ARAP2: variants seen among roughly 807,000 people sequenced by gnomAD.
ARAP2 encodes ArfGAP with RhoGAP domain, ankyrin repeat and PH domain 2.
A neutral mutation model predicts 194.5 loss-of-function variants in ARAP2; 148 were observed. The ratio of observed to expected loss-of-function variants is 0.76; its 90% CI spans 0.67 to 0.87. The LOEUF (loss-of-function observed/expected upper bound fraction) is 0.87. ARAP2 is among the 40% of genes least tolerant of loss of function. The probability of loss-of-function intolerance (pLI) is 0.00; values close to 1 mark genes in which losing one functional copy is unlikely to be tolerated. For synonymous variants in ARAP2, 695 were observed against 683.5 expected, an observed-to-expected ratio of 1.02 and a Z score of -0.26; for missense variants, 2,128 against 1,989.7, an observed-to-expected ratio of 1.07 and a Z score of -1.32.
chr4:36,055,965 T>C (rs1723436868), intron 2 of ARAP2, among the ~76,000 whole-genome samples: 1 of 152,196 alleles, frequency 6.6e-6, no homozygotes, highest in Non-Finnish European at 1.5e-5. Context: ...ACAAACCAGA[T>C]AAATTCCTTG....
chr4:36,159,238 G>A (rs1733343937), intron 14 of ARAP2, 93 bp downstream of exon 14: 2 of 1,269,542 alleles, frequency 1.6e-6, no homozygotes, highest in South Asian at 4.7e-5. Context: ...CATTCTGATG[G>A]TTTCTCTTAT....
intron 6 of ARAP2, among the ~76,000 whole-genome samples, chr4:36,209,040 C>T (rs183502691): frequency 6.6e-6 from 1 of 152,216 alleles, no homozygotes; most frequent in Admixed American, 6.5e-5. Context: ...GTGCCTGGAG[C>T]ATAAACAGAC....
intron 19 of ARAP2, among the ~76,000 whole-genome samples, chr4:36,138,859 T>C (rs1727495598): frequency 6.6e-6 from 1 of 151,762 alleles, no homozygotes; most frequent in African/African-American, 2.4e-5. Flanking sequence ...CACTTTGCAC[T>C]GCCACTTTCT....
chr4:36,060,967 GA>G (rs1169233703), intron 1 of ARAP2, among the ~76,000 whole-genome samples: 1 of 152,166 alleles, frequency 6.6e-6, no homozygotes, highest in Non-Finnish European at 1.5e-5. Context: ...ATTTTTGGGA[GA>G]AGACAGTTCA....
intron 1 of ARAP2, among the ~76,000 whole-genome samples, chr4:36,235,592 T>C (rs1752289903): frequency 6.6e-6 from 1 of 152,250 alleles, no homozygotes. Context: ...CTGGTATCTG[T>C]TGACTGCTCT....
At chr4:36,056,539 T>C (rs1723544349) in intron 2 of ARAP2, among the ~76,000 whole-genome samples, 1 of 152,190 alleles carries the variant, frequency 6.6e-6, no homozygotes, top group Non-Finnish European at 1.5e-5. Flanking sequence ...TTTCAACATA[T>C]GTCTATATAT....
At chr4:36,041,377 C>G (rs373282789) in intron 5 of ARAP2, among the ~76,000 whole-genome samples, 16 of 152,066 alleles carry the variant, frequency 1.1e-4, no homozygotes, top group Non-Finnish European at 1.9e-4. Context: ...AAAGAATGAA[C>G]AGACACTTTT....
chr4:36,233,121 G>T (rs1751818441), intron 1 of ARAP2, among the ~76,000 whole-genome samples: 2 of 152,068 alleles, frequency 1.3e-5, no homozygotes. Context: ...TCCTCCAATT[G>T]TCTGACATTT....
intron 8 of ARAP2, among the ~76,000 whole-genome samples, chr4:36,014,346 GA>G (rs1209368345): frequency 7.3e-6 from 1 of 137,702 alleles, no homozygotes; most frequent in Non-Finnish European, 1.5e-5. Flanking sequence ...AAGAAAGAAA[GA>G]AAGAAAGAAA....
rs1432472640 is a variant in ARAP2, at chr4:36,067,294, T to C, written c.*613A>G. ...CTTTTTCTTAACAAGTGGTTTCTCA[T>C]TGACAAGTTCTGGTCATTAGTGAAC... On this transcript the variant is annotated 3_prime_UTR_variant, in exon 33 of 33. Coordinates refer to ENST00000303965, the MANE Select transcript of ARAP2 (RefSeq NM_015230.4). 3 of 152,670 alleles carry C rather than the reference T, an allele frequency of 2.0e-5. No homozygotes were observed. Among genetic ancestry groups the C allele is most frequent in the African/African-American group, 7.2e-5 (3 of 41,458 alleles). 9.5% of individuals were successfully genotyped at this position (152,670 alleles called of 1,614,324 possible).
chr4:36,210,381 C>T lies in ARAP2; in HGVS notation c.1487+9G>A, dbSNP rs775363348. Reference sequence around the variant, plus strand: ...ATGCCACTTATGAAATAAATGCATACGTACATACCCTTGAGGAGAGAGTTT... The same window carrying T: ...ATGCCACTTATGAAATAAATGCATATGTACATACCCTTGAGGAGAGAGTTT... On this transcript the variant is annotated intron_variant, in intron 6 of 32. Transcript: ENST00000303965. 25 of 1,571,554 alleles carry T rather than the reference C, an allele frequency of 1.6e-5. No individual in the cohort carries two copies. The highest frequency in any genetic ancestry group is 2.4e-5 in the South Asian group (2 of 84,854).
intron 27 of ARAP2, among the ~76,000 whole-genome samples, chr4:36,104,041 T>C (rs1717724964): frequency 6.6e-6 from 1 of 152,066 alleles, no homozygotes; most frequent in East Asian, 1.9e-4. Context: ...ACAGAAATTA[T>C]AAATGTAGGG....
At chr4:36,153,550 G>A (rs1186102318) in intron 15 of ARAP2, among the ~76,000 whole-genome samples, 1 of 152,182 alleles carries the variant, frequency 6.6e-6, no homozygotes, top group Non-Finnish European at 1.5e-5. Flanking sequence ...AAAGTTAGTG[G>A]ATTGGCAAGA....
intron 28 of ARAP2, among the ~76,000 whole-genome samples, chr4:36,085,308 T>C (rs1180932097): frequency 6.6e-6 from 1 of 152,110 alleles, no homozygotes; most frequent in African/African-American, 2.4e-5. Context: ...TTCAGTTCCA[T>C]GGTCTTGCAG....
chr4:36,198,451 C>A (rs919594580), intron 6 of ARAP2, among the ~76,000 whole-genome samples: 2 of 152,346 alleles, frequency 1.3e-5, no homozygotes, highest in Admixed American at 1.3e-4. Flanking sequence ...CAAGGACCTG[C>A]CCCCTTCTGC....
downstream of ARAP2, among the ~76,000 whole-genome samples, chr4:36,062,903 T>C (rs75424034): frequency 8.4e-3 from 1,282 of 152,316 alleles, 12 homozygotes; most frequent in African/African-American, 0.022. Flanking sequence ...AAACTTTAAT[T>C]ACCTGATTCA....
chr4:36,209,048 G>A (rs1345681198), intron 6 of ARAP2, among the ~76,000 whole-genome samples: 1 of 152,098 alleles, frequency 6.6e-6, no homozygotes, highest in Non-Finnish European at 1.5e-5. Context: ...AGCATAAACA[G>A]ACCAACCCTG....
At position 36,092,033 on chromosome 4, in the gene ARAP2, G is replaced by A. The variant is rs1275800111; in HGVS notation, c.4286-13C>T. The A allele has an allele frequency of 3.4e-6, 5 of 1,490,172 alleles. No individual in the cohort carries two copies. The highest frequency in any genetic ancestry group is 4.5e-6 in the Non-Finnish European group (5 of 1,104,730). 92.3% of individuals were successfully genotyped at this position (1,490,172 alleles called of 1,614,324 possible). A position where few individuals can be genotyped will look rare whatever the true frequency, so the allele number is the denominator to read the frequency against. On this transcript the variant is annotated splice_polypyrimidine_tract_variant and intron_variant, in intron 27 of 32. Coordinates refer to ENST00000303965, the MANE Select transcript of ARAP2 (RefSeq NM_015230.4). The stretch of plus-strand genomic sequence containing the variant: ...AGTGTACTCCGGTCTGTAAAGTACA[G>A]CATTACTTTTGTGAGTTGGGTACGT...
chr4:36,073,962 G>C lies in ARAP2; in HGVS notation c.4609-139C>G, dbSNP rs905500195. On this transcript the variant is annotated intron_variant, in intron 31 of 32. Coordinates refer to ENST00000303965, the MANE Select transcript of ARAP2 (RefSeq NM_015230.4). Reference sequence around the variant, plus strand: ...TGAGAATTCCATTTGTGATTATGATGTTGACTCTGGTGGCAGCATCGCTCC... The same window carrying C: ...TGAGAATTCCATTTGTGATTATGATCTTGACTCTGGTGGCAGCATCGCTCC... The C allele has an allele frequency of 1.7e-5, 19 of 1,088,938 alleles. No homozygotes were observed. In the African/African-American group the frequency reaches 2.8e-4, roughly 16 times the overall value. 67.5% of individuals were successfully genotyped at this position (1,088,938 alleles called of 1,614,324 possible). A position where few individuals can be genotyped will look rare whatever the true frequency, so the allele number is the denominator to read the frequency against.
Sources: gnomAD v4.1 joint callset for allele counts (sites outside exome capture counted in the v4.1 genomes callset) on GRCh38, gnomAD v4.1.1 for gene constraint, MANE v1.5 for transcripts, NCBI Gene and HGNC (gene_info 2026-07-23, HGNC 2026-07-21) for gene names.